Variants in UST observed in about 807,000 individuals in gnomAD.
UST encodes the protein uronyl 2-sulfotransferase.
In UST, 21 loss-of-function variants were observed where a neutral mutation model predicts 45.6. The ratio of observed to expected loss-of-function variants is 0.46; its 90% confidence interval spans 0.33 to 0.66. The LOEUF (loss-of-function observed/expected upper bound fraction) is 0.66, where lower values mean the gene tolerates loss of function less well. Ranked by LOEUF, UST falls within the 30% of genes least tolerant of loss-of-function variation. The pLI is 0.02. For missense variants in UST, 463 were observed against 512.4 expected, an observed-to-expected ratio of 0.90 and a Z score of 0.93; for synonymous variants, 215 against 200.6, an observed-to-expected ratio of 1.07 and a Z score of -0.61.
intron 2 of UST, among the ~76,000 whole-genome samples, chr6:148,913,610 A>G (rs1779522119): frequency 6.6e-6 from 1 of 151,972 alleles, no homozygotes; most frequent in Admixed American, 6.5e-5. Context: ...TCCTTTTCTT[A>G]GGATTTTGAT....
chr6:148,815,570 A>G (rs1470647835), intron 1 of UST, among the ~76,000 whole-genome samples: 1 of 152,228 alleles, frequency 6.6e-6, no homozygotes, highest in Admixed American at 6.5e-5. Flanking sequence ...CTGAAAAAAT[A>G]CATACCACAT....
chr6:149,046,449 C>T (rs1776397010), intron 7 of UST, among the ~76,000 whole-genome samples: 1 of 152,178 alleles, frequency 6.6e-6, no homozygotes, highest in Admixed American at 6.5e-5. Context: ...AAGAAGGCAT[C>T]TTCTATCTGT....
chr6:149,043,001 TTCTTTCTTTCTTTCTTTCTTTTTC>T (rs1258226571), intron 7 of UST, among the ~76,000 whole-genome samples: 145 of 118,142 alleles, frequency 1.2e-3, no homozygotes, highest in African/African-American at 5.2e-3. Flanking sequence ...CTTTCTTTCT[TTCTTTCTTTCTTTCTTTCTTTTTC>T]TTTCTTTCTT....
intron 1 of UST, among the ~76,000 whole-genome samples, chr6:148,870,104 T>TCTCACACACACACACACA (rs377724567): frequency 1.2e-3 from 173 of 141,544 alleles, no homozygotes; most frequent in African/African-American, 4.3e-3. Context: ...TGGTAATGTT[T>TCTCACACACACACACACA]CACACACACA....
intron 2 of UST, among the ~76,000 whole-genome samples, chr6:148,905,145 G>A (rs905389769): frequency 6.6e-6 from 1 of 152,124 alleles, no homozygotes; most frequent in Non-Finnish European, 1.5e-5. Context: ...ATTTCTAGAC[G>A]TGCTTTGGGA....
chr6:149,023,682 T>C (rs1338651359), intron 7 of UST, among the ~76,000 whole-genome samples: 1 of 152,190 alleles, frequency 6.6e-6, no homozygotes, highest in African/African-American at 2.4e-5. Context: ...ATTCACAGGA[T>C]GCAAAACCCA....
chr6:148,948,354 A>G (rs1206565582), intron 3 of UST, among the ~76,000 whole-genome samples: 3 of 152,262 alleles, frequency 2.0e-5, no homozygotes, highest in Admixed American at 6.5e-5. Flanking sequence ...TGAACCACGT[A>G]GGGTTAGATA....
At chr6:148,881,027 TA>T (rs376159476) in intron 1 of UST, among the ~76,000 whole-genome samples, 1,958 of 136,678 alleles carry the variant, frequency 0.014, 12 homozygotes, top group African/African-American at 0.032. Flanking sequence ...AGACTCCGTC[TA>T]AAAAAAAAAA....
intron 1 of UST, among the ~76,000 whole-genome samples, chr6:148,878,167 G>A (rs1303279030): frequency 2.4e-5 from 3 of 126,034 alleles, no homozygotes; most frequent in Non-Finnish European, 3.3e-5. Context: ...TGAGTGCGGG[G>A]GATTGTGTAC....
intron 1 of UST, among the ~76,000 whole-genome samples, chr6:148,875,612 T>G (rs1449731635): frequency 3.3e-5 from 5 of 152,238 alleles, no homozygotes; most frequent in Non-Finnish European, 7.3e-5. Context: ...AAGACCAGCC[T>G]GGCCAACATA....
At chr6:148,818,943 G>C (rs1777405239) in intron 1 of UST, among the ~76,000 whole-genome samples, 1 of 152,128 alleles carries the variant, frequency 6.6e-6, no homozygotes, top group Non-Finnish European at 1.5e-5. Context: ...TTCAGGCCTG[G>C]TTTTCTGTCT....
intron 7 of UST, among the ~76,000 whole-genome samples, chr6:149,053,787 G>A (rs546321834): frequency 6.6e-6 from 1 of 152,358 alleles, no homozygotes; most frequent in South Asian, 2.1e-4. Flanking sequence ...ATGCACAGAA[G>A]CCTGATGGTT....
intron 2 of UST, among the ~76,000 whole-genome samples, chr6:148,904,441 T>C (rs934098143): frequency 1.3e-5 from 2 of 152,108 alleles, no homozygotes; most frequent in African/African-American, 2.4e-5. Flanking sequence ...TCTTATTTTA[T>C]ATATATAATA....
chr6:148,937,976 C>G (rs1416836490), intron 2 of UST, among the ~76,000 whole-genome samples: 2 of 152,134 alleles, frequency 1.3e-5, no homozygotes, highest in African/African-American at 4.8e-5. Flanking sequence ...AACCTTGTAG[C>G]CAAGAATGTA....
At chr6:148,944,936 A>G (rs1231895704) in intron 3 of UST, among the ~76,000 whole-genome samples, 1 of 152,246 alleles carries the variant, frequency 6.6e-6, no homozygotes, top group Non-Finnish European at 1.5e-5. Context: ...CCAAAAAAAC[A>G]CATAACCATC....
intron 1 of UST, among the ~76,000 whole-genome samples, chr6:148,770,815 G>A (rs1387505464): frequency 6.6e-6 from 1 of 152,178 alleles, no homozygotes; most frequent in African/African-American, 2.4e-5. Context: ...AGCGGGCAGA[G>A]GGAGAGGTCA....
At chr6:148,903,748 T>C (rs938986780) in intron 2 of UST, among the ~76,000 whole-genome samples, 2 of 152,144 alleles carry the variant, frequency 1.3e-5, no homozygotes, top group African/African-American at 2.4e-5. Flanking sequence ...ACTCTAATAT[T>C]TTTTCTGGTA....
At chr6:148,923,096 A>G (rs1779747498) in intron 2 of UST, among the ~76,000 whole-genome samples, 1 of 152,184 alleles carries the variant, frequency 6.6e-6, no homozygotes, top group Admixed American at 6.6e-5. Flanking sequence ...TTTAGTGTCC[A>G]GCTGCCTGTA....
chr6:148,788,082 AG>A (rs1196977338), intron 1 of UST, among the ~76,000 whole-genome samples: 1 of 152,192 alleles, frequency 6.6e-6, no homozygotes, highest in African/African-American at 2.4e-5. Flanking sequence ...TTACAATCAT[AG>A]GGGAAGGTGA....
Sources: allele counts gnomAD v4.1 joint callset (sites outside exome capture counted in the v4.1 genomes callset), GRCh38; gene constraint gnomAD v4.1.1; transcripts MANE v1.5; gene names NCBI Gene and HGNC (gene_info 2026-07-23, HGNC 2026-07-21).